Variants in ADGRL3 observed in about 807,000 individuals in gnomAD.
ADGRL3 encodes the protein calcium-independent alpha-latrotoxin receptor 3.
In ADGRL3, 62 loss-of-function variants were observed where a neutral mutation model predicts 153.5. The observed-to-expected ratio is 0.40, with a 90% confidence interval of 0.33 to 0.50. ADGRL3 has a LOEUF of 0.50. Ranked by LOEUF, ADGRL3 falls within the 20% of genes least tolerant of loss-of-function variation. ADGRL3 has a pLI of 0.47. For missense variants in ADGRL3, 1,641 were observed against 1,859.4 expected, an observed-to-expected ratio of 0.88 and a Z score of 2.16; for synonymous variants, 710 against 672.5, an observed-to-expected ratio of 1.06 and a Z score of -0.86.
At chr4:61,308,458 G>T (rs2094882207) in intron 1 of ADGRL3, among the ~76,000 whole-genome samples, 1 of 152,164 alleles carries the variant, frequency 6.6e-6, no homozygotes, top group Non-Finnish European at 1.5e-5. Context: ...ACAGGAAAGT[G>T]TTTGTGTGTG....
At chr4:61,295,906 G>T (rs1455158645) in intron 1 of ADGRL3, among the ~76,000 whole-genome samples, 3 of 152,006 alleles carry the variant, frequency 2.0e-5, no homozygotes, top group Admixed American at 6.6e-5. Context: ...CCAAGAGTGT[G>T]AGACTTCAGT....
intron 1 of ADGRL3, among the ~76,000 whole-genome samples, chr4:61,346,410 T>C (rs2095908881): frequency 6.6e-6 from 1 of 151,664 alleles, no homozygotes; most frequent in South Asian, 2.1e-4. Context: ...TGGGCATCAC[T>C]TTAGAAGTTT....
chr4:61,699,206 A>AT (rs1323721902), intron 6 of ADGRL3, among the ~76,000 whole-genome samples: 1 of 152,176 alleles, frequency 6.6e-6, no homozygotes, highest in Non-Finnish European at 1.5e-5. Flanking sequence ...TCCAAAAGTG[A>AT]TTTTGAGAGT....
chr4:61,640,542 T>C (rs2093618950), intron 5 of ADGRL3, among the ~76,000 whole-genome samples: 1 of 152,202 alleles, frequency 6.6e-6, no homozygotes, highest in Non-Finnish European at 1.5e-5. Context: ...GATTTATTTA[T>C]CCATATCCGT....
At chr4:61,597,750 TA>T (rs1253395984) in intron 5 of ADGRL3, among the ~76,000 whole-genome samples, 1 of 151,906 alleles carries the variant, frequency 6.6e-6, no homozygotes, top group African/African-American at 2.4e-5. Flanking sequence ...TTATAGGTGA[TA>T]TATATTTCAT....
At chr4:61,455,089 C>CT (rs2097719373) in intron 2 of ADGRL3, among the ~76,000 whole-genome samples, 1 of 152,182 alleles carries the variant, frequency 6.6e-6, no homozygotes, top group East Asian at 1.9e-4. Context: ...TTGGCTTTCC[C>CT]TTTTTTGGAC....
intron 5 of ADGRL3, among the ~76,000 whole-genome samples, chr4:61,607,752 C>T (rs545716400): frequency 1.3e-5 from 2 of 152,176 alleles, no homozygotes; most frequent in African/African-American, 4.8e-5. Context: ...CAGACCTCTG[C>T]AATAATCCTA....
At chr4:61,715,141 T>C (rs2151537978) in intron 6 of ADGRL3, among the ~76,000 whole-genome samples, 1 of 152,294 alleles carries the variant, frequency 6.6e-6, no homozygotes, top group Middle Eastern at 3.4e-3. Context: ...ATATTGTTGG[T>C]CAAGTAAGAC....
intron 8 of ADGRL3, among the ~76,000 whole-genome samples, chr4:61,789,256 G>A (rs759812795): frequency 2.6e-5 from 4 of 151,948 alleles, no homozygotes; most frequent in African/African-American, 7.2e-5. Flanking sequence ...AATAATACAA[G>A]TAAAATCTTT....
intron 6 of ADGRL3, among the ~76,000 whole-genome samples, chr4:61,726,503 A>G (rs1333273764): frequency 6.6e-6 from 1 of 152,040 alleles, no homozygotes; most frequent in East Asian, 1.9e-4. Context: ...CCAGCCTGGA[A>G]CATTTTTTAT....
intron 2 of ADGRL3, among the ~76,000 whole-genome samples, chr4:61,404,305 T>C (rs1006415036): frequency 6.6e-6 from 1 of 151,982 alleles, no homozygotes; most frequent in Admixed American, 6.6e-5. Context: ...CCTAGCCCAA[T>C]GGGTTCAGAG....
At chr4:61,839,251 A>G (rs2097986576) in intron 9 of ADGRL3, among the ~76,000 whole-genome samples, 1 of 152,046 alleles carries the variant, frequency 6.6e-6, no homozygotes, top group African/African-American at 2.4e-5. Flanking sequence ...GTACAGTGAC[A>G]CTTGTCACAG....
chr4:61,657,835 A>T lies in ADGRL3; in HGVS notation c.474-18991A>T, dbSNP rs183949300. 8.7e-4 allele frequency among the ~76,000 whole-genome samples: 132 copies of T among 152,318 alleles called. 2 individuals carry two copies. Among genetic ancestry groups the T allele is most frequent in the African/African-American group, 3.1e-3 (129 of 41,582 alleles). ...CCCAAGTTATTCCTTTTGACATCAG[A>T]GGTTGAGATTTAGACTAAATCTCTT... On this transcript the variant is annotated intron_variant, in intron 5 of 26. Transcript: ENST00000683033.
intron 2 of ADGRL3, among the ~76,000 whole-genome samples, chr4:61,398,048 G>A (rs2096888625): frequency 6.6e-6 from 1 of 151,828 alleles, no homozygotes; most frequent in Admixed American, 6.6e-5. Context: ...GACTCTGAGT[G>A]ATGAAATAAT....
At position 61,844,546 on chromosome 4, in the gene ADGRL3, C is replaced by CAA. The variant is rs71604517; in HGVS notation, c.1480+30686_1480+30687dup. 6.6e-3 allele frequency among the ~76,000 whole-genome samples: 116 copies of CAA among 17,546 alleles called. 2 individuals carry two copies. Among genetic ancestry groups the CAA allele is most frequent in the African/African-American group, 0.018 (57 of 3,152 alleles). 11.5% of individuals were successfully genotyped at this position (17,546 alleles called of 152,430 possible). On this transcript the variant is annotated intron_variant, in intron 9 of 26. Transcript: ENST00000683033. ...TGGGTGACAAAGCGAGACTGCATCT[C>CAA]AAAAAAAAAAAAAAAAAAAAAAAAA...
intron 17 of ADGRL3, among the ~76,000 whole-genome samples, chr4:61,962,824 T>A (rs954833084): frequency 1.3e-5 from 2 of 152,230 alleles, no homozygotes; most frequent in Non-Finnish European, 2.9e-5. Context: ...TTTAATTTTT[T>A]AAATTTATAA....
chr4:62,029,181 A>G (rs1310238901), intron 22 of ADGRL3, among the ~76,000 whole-genome samples: 2 of 151,458 alleles, frequency 1.3e-5, no homozygotes, highest in East Asian at 3.9e-4. Context: ...CTTCCCTTTC[A>G]TTGTGATGTG....
Position 61,403,516 on chromosome 4 carries a change from C to T in ADGRL3, c.-174+20327C>T, listed in dbSNP as rs1426137572. Among the ~76,000 whole-genome samples the T allele has an allele frequency of 5.3e-5, 8 of 152,162 alleles. No individual in the cohort carries two copies. The East Asian group carries it at 5.8e-4, about 11-fold the overall frequency. Reference sequence around the variant, plus strand: ...TGCACTGGAGAAGACCTTGAAGCCCCGTGCTCCTTCTCCCATACCTTCCCT... The same window carrying T: ...TGCACTGGAGAAGACCTTGAAGCCCTGTGCTCCTTCTCCCATACCTTCCCT... On this transcript the variant is annotated intron_variant, in intron 2 of 26. Transcript: ENST00000683033.
At chr4:61,981,140 C>T (rs564486187) in intron 18 of ADGRL3, among the ~76,000 whole-genome samples, 8 of 152,258 alleles carry the variant, frequency 5.3e-5, no homozygotes, top group Admixed American at 1.3e-4. Context: ...ATTTCATAAA[C>T]TTGTCTTTCT....
Sources: allele counts gnomAD v4.1 joint callset (sites outside exome capture counted in the v4.1 genomes callset), GRCh38; gene constraint gnomAD v4.1.1; transcripts MANE v1.5; gene names NCBI Gene and HGNC (gene_info 2026-07-23, HGNC 2026-07-21).